ATP2B1: variants seen among roughly 807,000 people sequenced by gnomAD.
The protein encoded by ATP2B1 is plasma membrane calcium-transporting ATPase 1.
Under a neutral mutation model 124.2 loss-of-function variants are expected in ATP2B1, and 14 were observed. The observed-to-expected ratio is 0.11, with a 90% confidence interval of 0.07 to 0.18. ATP2B1 has a LOEUF of 0.18. Among genes scored for constraint, ATP2B1 ranks in the 10% least tolerant of loss-of-function variants. The probability of loss-of-function intolerance (pLI) is 1.00; values close to 1 mark genes in which losing one functional copy is unlikely to be tolerated. For missense variants in ATP2B1, 763 were observed against 1,466.1 expected, an observed-to-expected ratio of 0.52 and a Z score of 7.83; for synonymous variants, 449 against 492.4, an observed-to-expected ratio of 0.91 and a Z score of 1.17.
At chr12:89,687,876 A>G (rs776155106) in intron 1 of ATP2B1, among the ~76,000 whole-genome samples, 2 of 152,098 alleles carry the variant, frequency 1.3e-5, no homozygotes, top group African/African-American at 2.4e-5. Flanking sequence ...CTGGACTGTG[A>G]ATTAGGAGGC....
At chr12:89,694,913 C>T (rs941137700) in intron 1 of ATP2B1, among the ~76,000 whole-genome samples, 4 of 151,832 alleles carry the variant, frequency 2.6e-5, no homozygotes, top group African/African-American at 4.8e-5. Flanking sequence ...AAAAATTAGC[C>T]GAGCATGGTG....
intron 1 of ATP2B1, among the ~76,000 whole-genome samples, chr12:89,671,541 C>T (rs1235289931): frequency 6.6e-6 from 1 of 152,092 alleles, no homozygotes. Context: ...TTCCCAATGC[C>T]CTATGCAATG....
chr12:89,625,729 GT>G (rs1041287167), intron 8 of ATP2B1, among the ~76,000 whole-genome samples: 8 of 151,968 alleles, frequency 5.3e-5, no homozygotes, highest in African/African-American at 1.9e-4. Flanking sequence ...CACTACATGA[GT>G]CAGCATTACC....
intron 1 of ATP2B1, among the ~76,000 whole-genome samples, chr12:89,692,921 T>TG (rs1890712139): frequency 1.3e-5 from 2 of 152,168 alleles, no homozygotes; most frequent in African/African-American, 4.8e-5. Context: ...ATGGTAAAAT[T>TG]GGTTTCGTTA....
At chr12:89,599,001 C>T (rs571282870) in intron 20 of ATP2B1, 116 bp downstream of exon 20, 201 of 1,247,698 alleles carry the variant, frequency 1.6e-4, no homozygotes, top group Non-Finnish European at 2.2e-4. Flanking sequence ...CAAGAGAATA[C>T]AATTTGTGGG....
chr12:89,640,131 G>A (rs1883284050), intron 3 of ATP2B1, among the ~76,000 whole-genome samples: 1 of 152,098 alleles, frequency 6.6e-6, no homozygotes, highest in Admixed American at 6.6e-5. Flanking sequence ...AAATCTTAAA[G>A]GATATATACA....
chr12:89,670,508 G>A (rs989374019), intron 1 of ATP2B1, among the ~76,000 whole-genome samples: 2 of 151,682 alleles, frequency 1.3e-5, no homozygotes, highest in Non-Finnish European at 2.9e-5. Flanking sequence ...CAGATGCTGA[G>A]GTTTGGAGTA....
rs761383748 is a variant in ATP2B1 at position 89,593,448 on chromosome 12, T to C, written c.3352-2153A>G. 3.3e-5 allele frequency: 5 copies of C among 152,232 alleles called. No homozygotes were observed. In the East Asian group the frequency reaches 5.8e-4, roughly 18 times the overall value. 9.4% of individuals were successfully genotyped at this position (152,232 alleles called of 1,614,324 possible). On this transcript the variant is annotated intron_variant, in intron 20 of 20. Transcript: ENST00000428670. ...TTGCTGGTGCTGCTGCTACTGAAGA[T>C]AGAACAACAGTTAAGCTTTCTGTGT...
At chr12:89,606,572 C>CTTT (rs11390166) in intron 15 of ATP2B1, among the ~76,000 whole-genome samples, 72 of 129,042 alleles carry the variant, frequency 5.6e-4, no homozygotes, top group African/African-American at 1.1e-3. Flanking sequence ...TAATGTCCCA[C>CTTT]TTTTTTTTTT....
chr12:89,638,204 A>G lies in ATP2B1; in HGVS notation c.407-2953T>C, dbSNP rs1046897311. Among the ~76,000 whole-genome samples the G allele has an allele frequency of 4.6e-5, 7 of 152,364 alleles. No homozygotes were observed. In the East Asian group the frequency reaches 9.6e-4, roughly 21 times the overall value. ...TTTTCAGTAAAGTCCAAGCTCAAAT[A>G]TAATAATAAAAACCTGTATTATCAA... On this transcript the variant is annotated intron_variant, in intron 3 of 20. Transcript: ENST00000428670.
intron 1 of ATP2B1, among the ~76,000 whole-genome samples, chr12:89,691,072 T>C (rs1592989120): frequency 6.6e-6 from 1 of 152,060 alleles, no homozygotes; most frequent in African/African-American, 2.4e-5. Flanking sequence ...GAGGCTCAAC[T>C]GTGTACAGCA....
At chr12:89,676,074 T>C (rs1428073815) in intron 1 of ATP2B1, among the ~76,000 whole-genome samples, 2 of 152,006 alleles carry the variant, frequency 1.3e-5, no homozygotes, top group Non-Finnish European at 2.9e-5. Flanking sequence ...GGAGTTTGGA[T>C]GAGGTGGAGG....
chr12:89,695,167 A>T (rs1221320244), intron 1 of ATP2B1, among the ~76,000 whole-genome samples: 2 of 152,126 alleles, frequency 1.3e-5, no homozygotes, highest in Non-Finnish European at 2.9e-5. Context: ...CTTTACTTGT[A>T]TAAGAATAGC....
chr12:89,667,639 G>A (rs577621766), intron 1 of ATP2B1, among the ~76,000 whole-genome samples: 4 of 152,218 alleles, frequency 2.6e-5, no homozygotes, highest in African/African-American at 9.6e-5. Context: ...CTATGTCCAA[G>A]GCTCTGTCTT....
At chr12:89,661,397 T>C (rs950367898) in intron 1 of ATP2B1, among the ~76,000 whole-genome samples, 5 of 152,214 alleles carry the variant, frequency 3.3e-5, no homozygotes, top group Admixed American at 6.5e-5. Context: ...TAAAGGGATG[T>C]TGGAGATCAA....
chr12:89,616,863 T>A lies in ATP2B1; in HGVS notation c.2006A>T (p.Asp669Val). 1.9e-6 allele frequency: 3 copies of A among 1,614,068 alleles called. No individual in the cohort carries two copies. The highest frequency in any genetic ancestry group is 2.5e-6 in the Non-Finnish European group (3 of 1,179,960). Residue 669 changes from aspartate (D) to valine (V), a missense_variant, in exon 12 of 21, where the codon GAT (aspartate) becomes GTT (valine). Physicochemically the swap from Asp to Val is radical, Grantham distance 152. This residue lies in a region of ATP2B1 where 392 missense variants were observed against 776.6 expected (regional missense o/e 0.50). Coordinates refer to ENST00000428670, the MANE Select transcript of ATP2B1 (RefSeq NM_001366521.1). The stretch of plus-strand genomic sequence containing the variant: ...AATGCATGTAAGGCCGGTGACAATA[T>A]CATTTTCATTATCCCACTCTGGTTC... ...EPEPEWDNEN[D>V]IVTGLTCIAV...
rs931812883 is a variant in ATP2B1, at chr12:89,653,543, C to T, written c.208+2136G>A. Among the ~76,000 whole-genome samples, 55 of 151,260 alleles carry T rather than the reference C, an allele frequency of 3.6e-4. No individual in the cohort carries two copies. The Middle Eastern group carries it at 0.01, about 28-fold the overall frequency. On this transcript the variant is annotated intron_variant, in intron 2 of 20. Coordinates refer to ENST00000428670, the MANE Select transcript of ATP2B1 (RefSeq NM_001366521.1). The stretch of plus-strand genomic sequence containing the variant: ...CGATCTCCTGACCTCATGATCCACC[C>T]GCCTCGGCCTCCCAAAGTGCTGGGA...
chr12:89,674,103 A>G (rs908812593), intron 1 of ATP2B1, among the ~76,000 whole-genome samples: 14 of 152,196 alleles, frequency 9.2e-5, no homozygotes, highest in Admixed American at 1.3e-4. Flanking sequence ...TCTGCATGGT[A>G]GGTGTTGGGG....
intron 15 of ATP2B1, among the ~76,000 whole-genome samples, chr12:89,605,856 G>T (rs570333662): frequency 6.6e-6 from 1 of 152,146 alleles, no homozygotes; most frequent in South Asian, 2.1e-4. Context: ...GCTGAGAGAC[G>T]TATCTCTTAG....
Sources: allele counts gnomAD v4.1 joint callset (sites outside exome capture counted in the v4.1 genomes callset), GRCh38; gene constraint gnomAD v4.1.1; regional missense constraint gnomAD v4.1.1; transcripts MANE v1.5; gene names NCBI Gene and HGNC (gene_info 2026-07-23, HGNC 2026-07-21).